CHD2: variants seen among roughly 807,000 people sequenced by gnomAD.
CHD2 encodes the protein chromodomain helicase DNA binding protein 2, also known as ATP-dependent chromatin remodeler CHD2.
Under a neutral mutation model 243.9 loss-of-function variants are expected in CHD2, and 28 were observed. The ratio of observed to expected loss-of-function variants is 0.11; its 90% CI spans 0.09 to 0.16. The LOEUF (loss-of-function observed/expected upper bound fraction) is 0.16. Ranked by LOEUF, CHD2 falls within the 10% of genes least tolerant of loss-of-function variation. The pLI, the probability that CHD2 is intolerant of heterozygous loss-of-function variation, is 1.00. For missense variants in CHD2, 1,386 were observed against 2,209.8 expected, an observed-to-expected ratio of 0.63 and a Z score of 7.47; for synonymous variants, 775 against 779.0, an observed-to-expected ratio of 0.99 and a Z score of 0.09.
chr15:93,019,887 C>T lies in CHD2; in HGVS notation c.4907-125C>T, dbSNP rs568254211. The stretch of plus-strand genomic sequence containing the variant: ...GATGGAGATTGCAGTGATCTAAGAT[C>T]GTGCCACTGCACTCCAGCCTGGGCA... On this transcript the variant is annotated intron_variant, in intron 37 of 38. Transcript: ENST00000394196. 171 of 1,117,096 alleles carry T rather than the reference C, an allele frequency of 1.5e-4. 1 individual carries two copies. Among genetic ancestry groups the T allele is most frequent in the African/African-American group, 4.1e-4 (26 of 63,534 alleles). The allele number at this position is 1,117,096 out of a possible 1,614,324, so 69.2% of individuals were successfully genotyped here.
At position 92,978,093 on chromosome 15, in the gene CHD2, C is replaced by T. The variant is rs979839749; in HGVS notation, c.2578-141C>T. 1.6e-4 allele frequency: 144 copies of T among 926,542 alleles called. No homozygotes were observed. In the African/African-American group the frequency reaches 1.8e-3, roughly 11 times the overall value. 57.4% of individuals were successfully genotyped at this position (926,542 alleles called of 1,614,324 possible). Reference sequence around the variant, plus strand: ...ATTCTACCATCAAGTCCCTGACATTCTTTTAGCCTCCATAAAGTTTGTCCA... The same window carrying T: ...ATTCTACCATCAAGTCCCTGACATTTTTTTAGCCTCCATAAAGTTTGTCCA... On this transcript the variant is annotated intron_variant, in intron 20 of 38. Transcript: ENST00000394196.
chr15:92,941,992 T>A, intron 8 of CHD2, 37 bp downstream of exon 8: 2 of 1,591,930 alleles, frequency 1.3e-6, no homozygotes, highest in Non-Finnish European at 1.7e-6. Flanking sequence ...ATTTTATGTA[T>A]GCTTAGTAAG....
intron 35 of CHD2, among the ~76,000 whole-genome samples, chr15:93,011,359 A>G (rs536443937): frequency 6.6e-6 from 1 of 152,232 alleles, no homozygotes; most frequent in Admixed American, 6.5e-5. Flanking sequence ...AGGCAGGTGC[A>G]CTTGAACTGA....
intron 7 of CHD2, among the ~76,000 whole-genome samples, chr15:92,940,812 AAT>A (rs1202467572): frequency 5.6e-5 from 8 of 143,272 alleles, no homozygotes; most frequent in Non-Finnish European, 9.1e-5. Flanking sequence ...AATAAATATA[AAT>A]ATATATAAAT....
chr15:92,968,090 G>A (rs1409000589), intron 17 of CHD2, among the ~76,000 whole-genome samples: 1 of 151,456 alleles, frequency 6.6e-6, no homozygotes, highest in Non-Finnish European at 1.5e-5. Context: ...ATTTTGATTG[G>A]TTGGTATGTC....
At chr15:92,956,901 T>C (rs971236915) in intron 16 of CHD2, among the ~76,000 whole-genome samples, 13 of 152,190 alleles carry the variant, frequency 8.5e-5, no homozygotes, top group Non-Finnish European at 1.5e-5. Flanking sequence ...GGGAAATAAT[T>C]GTTAAATAGA....
intron 17 of CHD2, among the ~76,000 whole-genome samples, chr15:92,969,512 G>C (rs1223383741): frequency 6.6e-6 from 1 of 152,184 alleles, no homozygotes; most frequent in Admixed American, 6.5e-5. Flanking sequence ...TCAGAAGACT[G>C]GCCTCTTTCT....
At chr15:92,929,185 G>C (rs2053119233) in intron 5 of CHD2, 94 bp downstream of exon 5, 10 of 1,194,736 alleles carry the variant, frequency 8.4e-6, no homozygotes, top group Admixed American at 6.2e-5. Context: ...GTCTACTCCA[G>C]GTCCCTTAGT....
intron 26 of CHD2, among the ~76,000 whole-genome samples, chr15:92,987,953 C>T (rs1283297493): frequency 6.6e-6 from 1 of 152,054 alleles, no homozygotes; most frequent in African/African-American, 2.4e-5. Flanking sequence ...ATTTCAATGG[C>T]ATTATAAAAA....
In CHD2 at chr15:93,000,656, T is replaced by G. The variant is rs952397816; in HGVS notation, c.4137+16T>G. The G allele has an allele frequency of 2.5e-6, 4 of 1,604,368 alleles. No individual in the cohort carries two copies. In the African/African-American group the frequency reaches 5.4e-5, roughly 22 times the overall value. On this transcript the variant is annotated intron_variant, in intron 32 of 38. Transcript: ENST00000394196. ...AGAAGTGAAAGTATGAAGTGGGGTT[T>G]CGGTTGAGGGTTATTTATTTATTTT...
In CHD2 at chr15:92,997,298, G is replaced by A; in HGVS notation, c.3780G>A (p.Glu1260=). 6.2e-7 allele frequency: 1 copy of A among 1,614,006 alleles called. No individual in the cohort carries two copies. ...TCAAAGCTGCACATTTTGATGTAGA[G>A]TGGGGGGTGGAAGATGATTCTCGCC... ...CRVKAAHFDV[E]WGVEDDSRLL... is the part of the protein sequence containing the mutation. Residue 1260 remains glutamate, a synonymous_variant, in exon 30 of 39, where the codon GAG becomes GAA. Transcript: ENST00000394196. This position sits in a 1 kb window ranked among gnomAD's most constrained non-coding sequence, Gnocchi z 4.1.
At position 92,967,533 on chromosome 15, in the gene CHD2, A is replaced by G. The variant is rs766872142; in HGVS notation, c.2189+20A>G. ...TTACAAGTAAGTTCTTGTTTGGGTT[A>G]GGCCTGAAGGGGTTGAGATCAGTAC... On this transcript the variant is annotated intron_variant, in intron 17 of 38. Coordinates refer to ENST00000394196, the MANE Select transcript of CHD2 (RefSeq NM_001271.4). 1 of 1,604,258 alleles carries G rather than the reference A, an allele frequency of 6.2e-7. No homozygotes were observed. The highest frequency in any genetic ancestry group is 8.5e-7 in the Non-Finnish European group (1 of 1,172,306).
chr15:92,909,924 G>C (rs1192037435), intron 2 of CHD2, among the ~76,000 whole-genome samples: 1 of 151,670 alleles, frequency 6.6e-6, no homozygotes, highest in Non-Finnish European at 1.5e-5. Context: ...GTAAGGGACT[G>C]TTTTAAGGGT....
In CHD2 at chr15:92,922,769, A is replaced by C. The variant is rs1256944688; in HGVS notation, c.63-1552A>C. Among the ~76,000 whole-genome samples the C allele has an allele frequency of 2.6e-5, 4 of 152,292 alleles. No individual in the cohort carries two copies. In the East Asian group the frequency reaches 7.7e-4, roughly 29 times the overall value. On this transcript the variant is annotated intron_variant, in intron 2 of 38. Coordinates refer to ENST00000394196, the MANE Select transcript of CHD2 (RefSeq NM_001271.4). ...CAGTCCACCTCTTGCTGTAGAGTCCATCCGTTTGAGGTCTTTTTGCTTCAG... is the reference window on the plus strand; with the variant it reads ...CAGTCCACCTCTTGCTGTAGAGTCCCTCCGTTTGAGGTCTTTTTGCTTCAG...
Position 92,997,437 on chromosome 15 carries a change from A to C in CHD2, c.3885+34A>C, listed in dbSNP as rs775857343. On this transcript the variant is annotated intron_variant, in intron 30 of 38. Coordinates refer to ENST00000394196, the MANE Select transcript of CHD2 (RefSeq NM_001271.4). This position sits in a 1 kb window ranked among gnomAD's most constrained non-coding sequence, Gnocchi z 4.1. ...CCCTACCATGCTAGAGATTTCTAGAAGATTTGTTGTGTAATATTTTTATAT... is the reference window on the plus strand; with the variant it reads ...CCCTACCATGCTAGAGATTTCTAGACGATTTGTTGTGTAATATTTTTATAT... The C allele has an allele frequency of 6.6e-7, 1 of 1,507,178 alleles. No homozygotes were observed. The highest frequency in any genetic ancestry group is 1.4e-5 in the South Asian group (1 of 73,448). 93.4% of individuals were successfully genotyped at this position (1,507,178 alleles called of 1,614,324 possible). A position where few individuals can be genotyped will look rare whatever the true frequency, so the allele number is the denominator to read the frequency against.
At position 93,024,892 on chromosome 15, in the gene CHD2, C is replaced by T. The variant is rs759862958; in HGVS notation, c.*187C>T. The T allele has an allele frequency of 5.1e-6, 3 of 583,720 alleles. No homozygotes were observed. The highest frequency in any genetic ancestry group is 8.9e-6 in the Non-Finnish European group (3 of 337,688). The allele number at this position is 583,720 out of a possible 1,614,324, so 36.2% of individuals were successfully genotyped here. On this transcript the variant is annotated 3_prime_UTR_variant, in exon 39 of 39. Transcript: ENST00000394196. Reference sequence around the variant, plus strand: ...CACTGGGTCCAGCTCTGATTCGGGTCACCACTCCTGCACTTTGGCACCCCA... The same window carrying T: ...CACTGGGTCCAGCTCTGATTCGGGTTACCACTCCTGCACTTTGGCACCCCA...
chr15:92,984,858 C>T (rs945354541), intron 25 of CHD2, among the ~76,000 whole-genome samples: 1 of 152,200 alleles, frequency 6.6e-6, no homozygotes, highest in Non-Finnish European at 1.5e-5. Flanking sequence ...TAACAGTTCA[C>T]AGCACTTGAT....
At chr15:92,972,850 CAA>C (rs758722546) in intron 19 of CHD2, among the ~76,000 whole-genome samples, 1 of 7,282 alleles carries the variant, frequency 1.4e-4, no homozygotes, top group African/African-American at 2.6e-4. Context: ...GACTCCGTCT[CAA>C]AAAAAAAAAA....
intron 32 of CHD2, 24 bp from the exon 33 acceptor site, chr15:93,002,153 T>C: frequency 1.9e-6 from 3 of 1,572,772 alleles, no homozygotes; most frequent in Non-Finnish European, 2.6e-6. Flanking sequence ...TAGCAAAAAT[T>C]CATAGCCCTG....
Sources: gnomAD v4.1 joint callset for allele counts (sites outside exome capture counted in the v4.1 genomes callset) on GRCh38, gnomAD v4.1.1 for gene constraint, Gnocchi (gnomAD v3.1) non-coding constraint, MANE v1.5 for transcripts, NCBI Gene and HGNC (gene_info 2026-07-23, HGNC 2026-07-21) for gene names.